The following ABCC1 variants were observed in gnomAD, a reference collection of about 807,000 sequenced individuals.
ABCC1 encodes multidrug resistance-associated protein 1.
ABCC1 carries 83 observed loss-of-function variants against 172.9 expected under a neutral mutation model. The observed-to-expected ratio is 0.48, with a 90% confidence interval of 0.40 to 0.58. ABCC1 has a LOEUF of 0.58. Ranked by LOEUF, ABCC1 falls within the 20% of genes least tolerant of loss-of-function variation. The pLI is 0.00. For synonymous variants in ABCC1, 937 were observed against 825.2 expected, an observed-to-expected ratio of 1.14 and a Z score of -2.32; for missense variants, 1,817 against 2,002.7, an observed-to-expected ratio of 0.91 and a Z score of 1.77.
At chr16:15,978,136 G>C (rs959260886) in intron 1 of ABCC1, among the ~76,000 whole-genome samples, 4 of 152,104 alleles carry the variant, frequency 2.6e-5, no homozygotes, top group African/African-American at 9.7e-5. Context: ...TTGGGAGGCC[G>C]AGCAGGGAGG....
chr16:16,001,555 G>A (rs1264808400), intron 1 of ABCC1, among the ~76,000 whole-genome samples: 1 of 152,124 alleles, frequency 6.6e-6, no homozygotes, highest in Non-Finnish European at 1.5e-5. Context: ...CCCAGCAGAA[G>A]AGAGAAGGCC....
At position 16,106,880 on chromosome 16, in the gene ABCC1, T is replaced by G; in HGVS notation, c.2871+7T>G. On this transcript the variant is annotated splice_region_variant and intron_variant, in intron 21 of 30. Transcript: ENST00000399410. ...CAAGGCGCAGACAGGGCAGGTGAGATTCGCTCCTTAAGTGATGACAGTGGC... is the reference window on the plus strand; with the variant it reads ...CAAGGCGCAGACAGGGCAGGTGAGAGTCGCTCCTTAAGTGATGACAGTGGC... 1.9e-6 allele frequency: 3 copies of G among 1,613,966 alleles called. No individual in the cohort carries two copies. Among genetic ancestry groups the G allele is most frequent in the Non-Finnish European group, 2.5e-6 (3 of 1,179,970 alleles).
At chr16:16,052,429 C>CT (rs1048356622) in intron 10 of ABCC1, among the ~76,000 whole-genome samples, 3 of 134,466 alleles carry the variant, frequency 2.2e-5, no homozygotes, top group African/African-American at 8.8e-5. Flanking sequence ...ACCTCATCTC[C>CT]TAAAAAAAAA....
intron 23 of ABCC1, among the ~76,000 whole-genome samples, chr16:16,118,825 CT>C (rs986027590): frequency 4.2e-5 from 6 of 144,154 alleles, no homozygotes; most frequent in Non-Finnish European, 9.0e-5. Context: ...TTTTTAATGG[CT>C]TTTGGCTAAA....
At chr16:15,963,168 C>G (rs1310174055) in intron 1 of ABCC1, among the ~76,000 whole-genome samples, 2 of 152,224 alleles carry the variant, frequency 1.3e-5, no homozygotes, top group South Asian at 2.1e-4. Flanking sequence ...CTTTCAAGTT[C>G]CATAGTTATC....
intron 1 of ABCC1, among the ~76,000 whole-genome samples, chr16:15,976,438 G>A (rs1182396132): frequency 2.0e-5 from 3 of 152,140 alleles, no homozygotes; most frequent in Non-Finnish European, 4.4e-5. Context: ...GTGGGGAAAG[G>A]AGGCAGAGAG....
At chr16:16,140,002 C>G (rs2046071111) in intron 30 of ABCC1, among the ~76,000 whole-genome samples, 1 of 152,214 alleles carries the variant, frequency 6.6e-6, no homozygotes, top group South Asian at 2.1e-4. Context: ...AATGAATGAG[C>G]ATGGCTATGT....
At chr16:16,108,256 T>C (rs531045899) in intron 21 of ABCC1, among the ~76,000 whole-genome samples, 2 of 137,544 alleles carry the variant, frequency 1.5e-5, no homozygotes, top group South Asian at 5.1e-4. Context: ...CACAACACGC[T>C]TATCGTTTCT....
chr16:16,111,396 G>C lies in ABCC1; in HGVS notation c.2893G>C (p.Asp965His). 3.7e-6 allele frequency: 6 copies of C among 1,614,082 alleles called. No homozygotes were observed. Among genetic ancestry groups the C allele is most frequent in the Non-Finnish European group, 5.1e-6 (6 of 1,180,016 alleles). Residue 965 changes from aspartate (D) to histidine (H), a missense_variant, in exon 22 of 31, where the codon GAC becomes CAC. This residue lies in a region of ABCC1 where 1,412 missense variants were observed against 1,600.3 expected (regional missense o/e 0.88). Transcript: ENST00000399410. ...TGQVKLSVYWDYMKAIGLFIS... is the reference protein window; with the variant it reads ...TGQVKLSVYWHYMKAIGLFIS... ...CCAGGTCAAGCTTTCCGTGTACTGG[G>C]ACTACATGAAGGCCATCGGACTCTT...
intron 9 of ABCC1, among the ~76,000 whole-genome samples, chr16:16,047,068 C>T (rs553426683): frequency 2.6e-5 from 4 of 152,076 alleles, no homozygotes; most frequent in South Asian, 2.1e-4. Context: ...TATGGTGGTG[C>T]GTACCTGTAG....
At chr16:16,113,428 G>A (rs2044710178) in intron 22 of ABCC1, among the ~76,000 whole-genome samples, 1 of 152,168 alleles carries the variant, frequency 6.6e-6, no homozygotes, top group African/African-American at 2.4e-5. Context: ...GGCCAAGGCG[G>A]GTGGATCGCT....
At chr16:16,039,209 T>TTG (rs749877499) in intron 7 of ABCC1, among the ~76,000 whole-genome samples, 6,294 of 136,934 alleles carry the variant, frequency 0.046, 192 homozygotes, top group African/African-American at 0.081. Context: ...GAGGAAGCTT[T>TTG]TGTGTGTGTG....
intron 1 of ABCC1, among the ~76,000 whole-genome samples, chr16:15,955,314 C>G (rs111521445): frequency 6.6e-6 from 1 of 152,106 alleles, no homozygotes; most frequent in Admixed American, 6.6e-5. Context: ...GCCGAGAGTT[C>G]GCCACTGCGC....
chr16:16,079,296 T>G (rs1212647648), intron 15 of ABCC1, 56 bp from the exon 16 acceptor site: 2 of 1,598,022 alleles, frequency 1.3e-6, no homozygotes, highest in East Asian at 4.5e-5. Flanking sequence ...GCCATGGGCA[T>G]TAGCCCGGCA....
chr16:16,140,409 T>G (rs537449924), intron 30 of ABCC1, among the ~76,000 whole-genome samples: 1 of 152,276 alleles, frequency 6.6e-6, no homozygotes, highest in East Asian at 1.9e-4. Flanking sequence ...AGTGCAGTGG[T>G]GGGATCACAG....
At chr16:16,106,980 C>G in intron 21 of ABCC1, 107 bp downstream of exon 21, 2 of 1,434,580 alleles carry the variant, frequency 1.4e-6, no homozygotes, top group Middle Eastern at 2.2e-4. Flanking sequence ...ACCTGTCCAT[C>G]ACAACACACC....
chr16:15,992,365 C>G (rs1011760436), intron 1 of ABCC1, among the ~76,000 whole-genome samples: 2 of 152,128 alleles, frequency 1.3e-5, no homozygotes, highest in East Asian at 3.9e-4. Flanking sequence ...AAATCGTCTT[C>G]CACAAAACCT....
intron 13 of ABCC1, 44 bp from the exon 14 acceptor site, chr16:16,071,598 T>C: frequency 6.3e-7 from 1 of 1,582,742 alleles, no homozygotes; most frequent in Non-Finnish European, 8.6e-7. Context: ...TTTGCAAAAA[T>C]GCTTTTTAAA....
intron 1 of ABCC1, among the ~76,000 whole-genome samples, chr16:16,004,531 T>A (rs751994788): frequency 6.6e-6 from 1 of 152,098 alleles, no homozygotes; most frequent in Non-Finnish European, 1.5e-5. Flanking sequence ...ACGATCAACT[T>A]CTTCTTTACA....
Sources: allele counts gnomAD v4.1 joint callset (sites outside exome capture counted in the v4.1 genomes callset), GRCh38; gene constraint gnomAD v4.1.1; regional missense constraint gnomAD v4.1.1; transcripts MANE v1.5; gene names NCBI Gene and HGNC (gene_info 2026-07-23, HGNC 2026-07-21).